The following DLG5 variants were observed in gnomAD, a reference collection of about 807,000 sequenced individuals.
The protein encoded by DLG5 is disks large homolog 5.
In DLG5, 48 loss-of-function variants were observed where a neutral mutation model predicts 189.8. That is an observed-to-expected ratio of 0.25 (90% CI 0.20 to 0.32). The LOEUF (loss-of-function observed/expected upper bound fraction) is 0.32, where lower values mean the gene tolerates loss of function less well. DLG5 is among the 10% of genes least tolerant of loss of function. DLG5 has a pLI of 1.00. For missense variants in DLG5, 2,160 were observed against 2,544.7 expected (o/e 0.85, Z 3.25); for synonymous variants, 1,016 against 1,054.1 (o/e 0.96, Z 0.70).
At chr10:77,832,141 G>C (rs920874370) in intron 9 of DLG5, among the ~76,000 whole-genome samples, 2 of 152,214 alleles carry the variant, frequency 1.3e-5, no homozygotes, top group African/African-American at 4.8e-5. Context: ...CCAGGAAGCA[G>C]AGGTTGCAGT....
intron 13 of DLG5, 125 bp from the exon 14 acceptor site, chr10:77,824,601 G>A (rs1842524563): frequency 2.8e-6 from 2 of 710,448 alleles, no homozygotes; most frequent in Non-Finnish European, 4.7e-6. Context: ...AAAGTCAGGA[G>A]TTGGCAAAGG....
intron 10 of DLG5, 81 bp from the exon 11 acceptor site, chr10:77,830,425 C>A (rs547498021): frequency 6.3e-7 from 1 of 1,591,682 alleles, no homozygotes; most frequent in Non-Finnish European, 8.6e-7. Context: ...AAGCTGCCCA[C>A]TCCAATGTGG....
intron 20 of DLG5, among the ~76,000 whole-genome samples, chr10:77,814,209 C>T (rs1841923172): frequency 6.6e-6 from 1 of 151,848 alleles, no homozygotes; most frequent in Non-Finnish European, 1.5e-5. Flanking sequence ...AACCCCTGAC[C>T]TCAGGTGATA....
At chr10:77,806,134 G>A in intron 26 of DLG5, 2 of 436,226 alleles carry the variant, frequency 4.6e-6, no homozygotes, top group South Asian at 6.6e-5. Flanking sequence ...GGAACTGCTA[G>A]GACAGCCTTC....
intron 20 of DLG5, chr10:77,815,907 G>A (rs1842027554): frequency 2.8e-6 from 1 of 362,046 alleles, no homozygotes; most frequent in Admixed American, 3.7e-5. Context: ...GTGCGCGGGG[G>A]TGACGGATTC....
At position 77,895,548 on chromosome 10, in the gene DLG5, G is replaced by C. The variant is rs145173633; in HGVS notation, c.305-26351C>G. ...TCCAGACTTGAAGGTGTCAGATTTT[G>C]TAAGTGAAGAAATTCAGAACACAGA... On this transcript the variant is annotated intron_variant, in intron 1 of 31. Coordinates refer to ENST00000372391, the MANE Select transcript of DLG5 (RefSeq NM_004747.4). Among the ~76,000 whole-genome samples, 550 of 152,294 alleles carry C rather than the reference G, an allele frequency of 3.6e-3. 3 individuals are homozygous for C. The highest frequency in any genetic ancestry group is 0.024 in the South Asian group (117 of 4,826).
At chr10:77,927,387 A>C (rs1436724339), upstream of DLG5, 1 of 152,274 alleles carries the variant, frequency 6.6e-6, no homozygotes, top group East Asian at 1.9e-4. Context: ...GCCTGGAGAC[A>C]AATGGTGGGG....
intron 5 of DLG5, chr10:77,845,214 A>C (rs1267328368): frequency 1.3e-5 from 2 of 152,262 alleles, no homozygotes; most frequent in Non-Finnish European, 2.9e-5. Context: ...TAAGCACCTC[A>C]TGGGATCTGA....
At chr10:77,921,195 A>C (rs543473745) in intron 1 of DLG5, among the ~76,000 whole-genome samples, 2 of 152,320 alleles carry the variant, frequency 1.3e-5, no homozygotes, top group East Asian at 3.9e-4. Context: ...TCTCTAAAAA[A>C]TAAGTAAATA....
intron 23 of DLG5, among the ~76,000 whole-genome samples, chr10:77,810,429 A>G (rs1293662146): frequency 1.3e-5 from 2 of 152,154 alleles, no homozygotes; most frequent in Non-Finnish European, 2.9e-5. Context: ...TCAGTGCTGG[A>G]GACACAGCTC....
chr10:77,851,909 G>A (rs924712187), intron 5 of DLG5, among the ~76,000 whole-genome samples: 3 of 152,196 alleles, frequency 2.0e-5, no homozygotes, highest in African/African-American at 7.2e-5. Context: ...AGCTGGCATG[G>A]AAAGAGGAGT....
At chr10:77,923,221 A>T (rs1244251343) in intron 1 of DLG5, among the ~76,000 whole-genome samples, 1 of 152,198 alleles carries the variant, frequency 6.6e-6, no homozygotes, top group Non-Finnish European at 1.5e-5. Flanking sequence ...CCTCGAACTG[A>T]GGCCAATTCA....
At position 77,796,462 on chromosome 10, in the gene DLG5, C is replaced by A. The variant is rs1224415756; in HGVS notation, c.5297G>T (p.Arg1766Ile). 1 of 1,614,214 alleles carries A rather than the reference C, an allele frequency of 6.2e-7. No homozygotes were observed. The highest frequency in any genetic ancestry group is 1.7e-5 in the Admixed American group (1 of 60,024). ...CCCGTGCCCCTTACCAAGGGGACAT[C>A]TGCAGAACTTGCCAGGAGCCTCATT... ...LVNEAPGKFC[R>I]CPLEVMKASQ... Residue 1766 changes from arginine to isoleucine, a missense_variant, in exon 28 of 32, where the codon AGA becomes ATA. By Grantham distance (97) the Arg-to-Ile change is moderately conservative. Coordinates refer to ENST00000372391, the MANE Select transcript of DLG5 (RefSeq NM_004747.4). The surrounding 1 kb of genome is among the most constrained non-coding windows in gnomAD (Gnocchi z 5.2).
chr10:77,925,582 A>G (rs1215470919), intron 1 of DLG5, among the ~76,000 whole-genome samples: 1 of 152,170 alleles, frequency 6.6e-6, no homozygotes, highest in Admixed American at 6.5e-5. Flanking sequence ...CAGGGAGAGA[A>G]CTTAGCCCCA....
At chr10:77,902,859 C>CA (rs1379092209) in intron 1 of DLG5, among the ~76,000 whole-genome samples, 1 of 146,594 alleles carries the variant, frequency 6.8e-6, no homozygotes, top group East Asian at 2.0e-4. Context: ...GACTCCATCT[C>CA]AAAAAATAAA....
intron 1 of DLG5, among the ~76,000 whole-genome samples, chr10:77,877,050 T>C (rs182754303): frequency 1.3e-5 from 2 of 152,122 alleles, no homozygotes; most frequent in African/African-American, 4.8e-5. Flanking sequence ...CCTTAACACA[T>C]TCCCTAACCC....
In DLG5 at chr10:77,926,442, G is replaced by A; in HGVS notation, c.79C>T (p.Leu27Phe). Residue 27 changes from leucine to phenylalanine, a missense_variant, in exon 1 of 32, where the codon CTC becomes TTC. Coordinates refer to ENST00000372391, the MANE Select transcript of DLG5 (RefSeq NM_004747.4). This position sits in a 1 kb window ranked among gnomAD's most constrained non-coding sequence, Gnocchi z 5.2. ...GCTCCCGCGGCCTCGAGCAGCCCGAGCACGGCTTCCACCTCCGTCATGGCC... is the reference window on the plus strand; with the variant it reads ...GCTCCCGCGGCCTCGAGCAGCCCGAACACGGCTTCCACCTCCGTCATGGCC... ...AQAMTEVEAV[L>F]GLLEAAGALS... 1 of 1,559,226 alleles carries A rather than the reference G, an allele frequency of 6.4e-7. No homozygotes were observed. The highest frequency in any genetic ancestry group is 1.4e-5 in the African/African-American group (1 of 72,678).
At chr10:77,853,722 T>C (rs1195257399) in intron 4 of DLG5, among the ~76,000 whole-genome samples, 185 bp from the exon 5 acceptor site, 1 of 151,912 alleles carries the variant, frequency 6.6e-6, no homozygotes, top group African/African-American at 2.4e-5. Context: ...TCCAGAAACA[T>C]CCAAATCACC....
At chr10:77,900,615 C>A (rs577116574) in intron 1 of DLG5, among the ~76,000 whole-genome samples, 5 of 152,062 alleles carry the variant, frequency 3.3e-5, no homozygotes, top group African/African-American at 4.8e-5. Context: ...GCCTGGCCAA[C>A]GTGGTGAAAC....
Sources: gnomAD v4.1 joint callset for allele counts (sites outside exome capture counted in the v4.1 genomes callset) on GRCh38, gnomAD v4.1.1 for gene constraint, Gnocchi (gnomAD v3.1) non-coding constraint, MANE v1.5 for transcripts, NCBI Gene and HGNC (gene_info 2026-07-23, HGNC 2026-07-21) for gene names.